PRR27: variants seen among roughly 807,000 people sequenced by gnomAD.
PRR27 encodes proline rich 27.
Under a neutral mutation model 16.8 loss-of-function variants are expected in PRR27, and 12 were observed. That is an observed-to-expected ratio of 0.71 (90% CI 0.46 to 1.16). The LOEUF (loss-of-function observed/expected upper bound fraction) is 1.16, where lower values mean the gene tolerates loss of function less well. PRR27 is among the 50% of genes most tolerant of loss of function. The probability of loss-of-function intolerance (pLI) is 0.00; values close to 1 mark genes in which losing one functional copy is unlikely to be tolerated. For synonymous variants in PRR27, 100 were observed against 98.4 expected (o/e 1.02, Z -0.10); for missense variants, 277 against 273.3 (o/e 1.01, Z -0.10).
At position 70,161,529 on chromosome 4, in the gene PRR27, A is replaced by T; in HGVS notation, c.649-57A>T. The T allele has an allele frequency of 2.6e-6, 3 of 1,169,558 alleles. No individual in the cohort carries two copies. The South Asian group carries it at 4.2e-5, about 16-fold the overall frequency. 72.4% of individuals were successfully genotyped at this position (1,169,558 alleles called of 1,614,324 possible). ...ATTTAGAAAAGATAGGCCCAATACTATGAAATAAAGTACATTTGATTGTTT... is the reference window on the plus strand; with the variant it reads ...ATTTAGAAAAGATAGGCCCAATACTTTGAAATAAAGTACATTTGATTGTTT... On this transcript the variant is annotated intron_variant, in intron 3 of 4. Transcript: ENST00000344526.
rs909928081 is a variant in PRR27 at position 70,154,322 on chromosome 4, C to T, written c.-54C>T. 7.6e-6 allele frequency: 10 copies of T among 1,316,598 alleles called. No individual in the cohort carries two copies. Among genetic ancestry groups the T allele is most frequent in the East Asian group, 2.3e-5 (1 of 42,884 alleles). The allele number at this position is 1,316,598 out of a possible 1,614,324, so 81.6% of individuals were successfully genotyped here. On this transcript the variant is annotated 5_prime_UTR_variant, in exon 1 of 5. Transcript: ENST00000344526. ...AAAAATATAATTTAAAAATACATTG[C>T]GTATTTTCTAAAACAATAAATTTAT...
At chr4:70,161,808 C>G (rs777414) in intron 4 of PRR27, among the ~76,000 whole-genome samples, 178 bp downstream of exon 4, 1 of 152,042 alleles carries the variant, frequency 6.6e-6, no homozygotes. Context: ...TCATGTCTTG[C>G]GTAAGGAACT....
chr4:70,165,538 C>T lies in PRR27; in HGVS notation c.*2877C>T, dbSNP rs554466662. ...CTACTTTTAAAAATGATTTTTCCAC[C>T]TCTAATGTATTCTATAAAATAATAT... On this transcript the variant is annotated 3_prime_UTR_variant, in exon 5 of 5. Transcript: ENST00000344526. The T allele has an allele frequency of 6.6e-6, 1 of 151,942 alleles. No individual in the cohort carries two copies. The highest frequency in any genetic ancestry group is 1.5e-5 in the Non-Finnish European group (1 of 67,930). 9.4% of individuals were successfully genotyped at this position (151,942 alleles called of 1,614,324 possible).
chr4:70,158,841 G>GAGCCTGCTACAGCCA lies in PRR27; in HGVS notation c.598_612dup (p.Thr200_Ala204dup). Reference sequence around the variant, plus strand: ...AGCTGCAGAGGAACCTTCACCAGCTGAGCCTGCTACAGCCAAGCCTGCTGC... The same window carrying GAGCCTGCTACAGCCA: ...AGCTGCAGAGGAACCTTCACCAGCTGAGCCTGCTACAGCCAAGCCTGCTACAGCCAAGCCTGCTGC... On this transcript the variant is annotated inframe_insertion, in exon 3 of 5. Transcript: ENST00000344526. 6.2e-7 allele frequency: 1 copy of GAGCCTGCTACAGCCA among 1,613,990 alleles called. No individual in the cohort carries two copies. The highest frequency in any genetic ancestry group is 8.5e-7 in the Non-Finnish European group (1 of 1,180,022).
intron 4 of PRR27, among the ~76,000 whole-genome samples, chr4:70,162,237 AC>A (rs1020000431): frequency 1.3e-5 from 2 of 152,316 alleles, no homozygotes; most frequent in Middle Eastern, 3.4e-3. Context: ...TGTTTACCAG[AC>A]AGGTAAATGA....
At chr4:70,161,179 T>TATATATATATATATATATATATAC (rs527588905) in intron 3 of PRR27, among the ~76,000 whole-genome samples, 8 of 107,678 alleles carry the variant, frequency 7.4e-5, no homozygotes, top group South Asian at 2.9e-4. Context: ...TATATATATA[T>TATATATATATATATATATATATAC]ACACACATAC....
In PRR27 at chr4:70,158,930, G is replaced by A. The variant is rs146660885; in HGVS notation, c.648+30G>A. 512 of 1,267,666 alleles carry A rather than the reference G, an allele frequency of 4.0e-4. 1 individual carries two copies. In the African/African-American group the frequency reaches 6.8e-3, roughly 17 times the overall value. The allele number at this position is 1,267,666 out of a possible 1,614,324, so 78.5% of individuals were successfully genotyped here. On this transcript the variant is annotated intron_variant, in intron 3 of 4. Transcript: ENST00000344526. The stretch of plus-strand genomic sequence containing the variant: ...GTTGTTTATATCTTACCACTATAAT[G>A]TATGAGAAATGAGATTTGTAGAAGG...
rs1438069030 is a variant in PRR27, at chr4:70,165,672, G to C, written c.*3011G>C. On this transcript the variant is annotated 3_prime_UTR_variant, in exon 5 of 5. Coordinates refer to ENST00000344526, the MANE Select transcript of PRR27 (RefSeq NM_214711.4). Reference sequence around the variant, plus strand: ...AAGATACATTTGCAGAGTTTTGTATGTGTGTTTATATCCATCTTACATAAT... The same window carrying C: ...AAGATACATTTGCAGAGTTTTGTATCTGTGTTTATATCCATCTTACATAAT... 6.6e-6 allele frequency: 1 copy of C among 152,040 alleles called. No individual in the cohort carries two copies. The highest frequency in any genetic ancestry group is 1.5e-5 in the Non-Finnish European group (1 of 67,950). 9.4% of individuals were successfully genotyped at this position (152,040 alleles called of 1,614,324 possible).
intron 4 of PRR27, 81 bp downstream of exon 4, chr4:70,161,711 A>C (rs1336812124): frequency 1.6e-6 from 1 of 615,272 alleles, no homozygotes; most frequent in African/African-American, 1.9e-5. Flanking sequence ...CTTGGAATGT[A>C]TTATATTTTT....
intron 1 of PRR27, among the ~76,000 whole-genome samples, chr4:70,155,291 G>A (rs1374866102): frequency 6.6e-6 from 1 of 151,680 alleles, no homozygotes; most frequent in African/African-American, 2.4e-5. Flanking sequence ...AGCTTCATTG[G>A]AGAACAAATG....
chr4:70,157,770 C>T (rs1440389478), intron 2 of PRR27, among the ~76,000 whole-genome samples: 3 of 152,132 alleles, frequency 2.0e-5, no homozygotes, highest in African/African-American at 4.8e-5. Context: ...CCGCCCTCTT[C>T]GGCCTCCCAA....
chr4:70,161,452 A>C, intron 3 of PRR27, 134 bp from the exon 4 acceptor site: 1 of 498,564 alleles, frequency 2.0e-6, no homozygotes, highest in Non-Finnish European at 3.6e-6. Context: ...AGAATATTTT[A>C]AACATGTTAA....
chr4:70,160,331 C>T (rs893561254), intron 3 of PRR27, among the ~76,000 whole-genome samples: 3 of 152,022 alleles, frequency 2.0e-5, no homozygotes, highest in African/African-American at 7.2e-5. Flanking sequence ...GTTTTCCCAT[C>T]AGGTACTCTG....
In PRR27 at chr4:70,156,084, CTTTT is replaced by C. The variant is rs543951263; in HGVS notation, c.75+12_75+15del. ...GTTCCCCTTCATTGGTGAGGTAAAA[CTTTT>C]TTTTCTTTACACGCAAGTATATTTG... On this transcript the variant is annotated splice_region_variant and intron_variant, in intron 2 of 4. Transcript: ENST00000344526. 2.9e-6 allele frequency: 4 copies of C among 1,394,094 alleles called. No individual in the cohort carries two copies. Among genetic ancestry groups the C allele is most frequent in the Non-Finnish European group, 3.8e-6 (4 of 1,039,826 alleles). 86.4% of individuals were successfully genotyped at this position (1,394,094 alleles called of 1,614,324 possible). A position where few individuals can be genotyped will look rare whatever the true frequency, so the allele number is the denominator to read the frequency against.
intron 3 of PRR27, among the ~76,000 whole-genome samples, chr4:70,159,184 C>T (rs537843258): frequency 7.2e-5 from 11 of 152,264 alleles, no homozygotes; most frequent in African/African-American, 2.2e-4. Flanking sequence ...CCCCATCCTC[C>T]CATCCCTGGG....
Position 70,164,453 on chromosome 4 carries a change from G to A in PRR27, c.*1792G>A, listed in dbSNP as rs1306898345. 3 of 152,136 alleles carry A rather than the reference G, an allele frequency of 2.0e-5. No individual in the cohort carries two copies. The highest frequency in any genetic ancestry group is 4.4e-5 in the Non-Finnish European group (3 of 67,998). The allele number at this position is 152,136 out of a possible 1,614,324, so 9.4% of individuals were successfully genotyped here. A position where few individuals can be genotyped will look rare whatever the true frequency, so the allele number is the denominator to read the frequency against. ...CCATGAGGACATGGTCTCAAAAAAT[G>A]AGAAACTTTCTTAGACAGTAAAATT... On this transcript the variant is annotated 3_prime_UTR_variant, in exon 5 of 5. Coordinates refer to ENST00000344526, the MANE Select transcript of PRR27 (RefSeq NM_214711.4).
chr4:70,158,642 A>T lies in PRR27; in HGVS notation c.390A>T (p.Ala130=). 2 of 1,614,002 alleles carry T rather than the reference A, an allele frequency of 1.2e-6. No individual in the cohort carries two copies. Among genetic ancestry groups the T allele is most frequent in the South Asian group, 2.2e-5 (2 of 91,080 alleles). Residue 130 remains alanine, a synonymous_variant, in exon 3 of 5, where the codon GCA becomes GCT. Coordinates refer to ENST00000344526, the MANE Select transcript of PRR27 (RefSeq NM_214711.4). ...AAAAPAAPPI[A]AEPAAAAPLT... is the part of the protein sequence containing the mutation. ...CAGCACCCGCTGCCCCACCTATTGCAGCTGAGCCTGCTGCAGCTGCACCTC... is the reference window on the plus strand; with the variant it reads ...CAGCACCCGCTGCCCCACCTATTGCTGCTGAGCCTGCTGCAGCTGCACCTC...
rs1009860928 is a variant in PRR27, at chr4:70,162,915, G to A, written c.*254G>A. 2.6e-5 allele frequency: 4 copies of A among 152,128 alleles called. No individual in the cohort carries two copies. The highest frequency in any genetic ancestry group is 4.8e-5 in the African/African-American group (2 of 41,412). The allele number at this position is 152,128 out of a possible 1,614,324, so 9.4% of individuals were successfully genotyped here. A position where few individuals can be genotyped will look rare whatever the true frequency, so the allele number is the denominator to read the frequency against. ...GTCTGGATGAAAACTACGCTATGGA[G>A]GACTGAAATGGCAATCATTCAGCCT... is the stretch of plus-strand genomic sequence containing the variant. On this transcript the variant is annotated 3_prime_UTR_variant, in exon 5 of 5. Coordinates refer to ENST00000344526, the MANE Select transcript of PRR27 (RefSeq NM_214711.4).
chr4:70,156,753 A>G (rs1728490818), intron 2 of PRR27, among the ~76,000 whole-genome samples: 1 of 152,218 alleles, frequency 6.6e-6, no homozygotes, highest in Admixed American at 6.5e-5. Context: ...AGAAAGCTCA[A>G]GAGACATAAT....
Sources: gnomAD v4.1 joint callset for allele counts (sites outside exome capture counted in the v4.1 genomes callset) on GRCh38, gnomAD v4.1.1 for gene constraint, MANE v1.5 for transcripts, NCBI Gene and HGNC (gene_info 2026-07-23, HGNC 2026-07-21) for gene names.